Variants in SCAPER observed in about 807,000 individuals in gnomAD.
SCAPER encodes S phase cyclin A-associated protein in the endoplasmic reticulum.
In SCAPER, 98 loss-of-function variants were observed where a neutral mutation model predicts 182.2. The observed-to-expected ratio is 0.54, with a 90% CI of 0.46 to 0.64. The LOEUF (loss-of-function observed/expected upper bound fraction) is 0.64. SCAPER is among the 30% of genes least tolerant of loss of function. The pLI is 0.00. For missense variants in SCAPER, 1,432 were observed against 1,690.0 expected (o/e 0.85, Z 2.68); for synonymous variants, 605 against 564.6 (o/e 1.07, Z -1.01).
intron 20 of SCAPER, among the ~76,000 whole-genome samples, chr15:76,680,152 T>C (rs2057608656): frequency 6.6e-6 from 1 of 151,898 alleles, no homozygotes; most frequent in South Asian, 2.1e-4. Flanking sequence ...TAGTTTCGAG[T>C]AGCTTCCACA....
chr15:76,821,508 G>C (rs1009984772), intron 5 of SCAPER, among the ~76,000 whole-genome samples: 3 of 152,190 alleles, frequency 2.0e-5, no homozygotes, highest in African/African-American at 4.8e-5. Context: ...TGTAGTCCCA[G>C]CTACTAGAGA....
intron 5 of SCAPER, among the ~76,000 whole-genome samples, chr15:76,836,310 C>T (rs899635071): frequency 2.0e-5 from 3 of 152,064 alleles, no homozygotes; most frequent in Non-Finnish European, 2.9e-5. Flanking sequence ...AACACTACTC[C>T]ACTCAAACCA....
Position 76,354,607 on chromosome 15 carries a change from GC to G in SCAPER, c.3856-468del, listed in dbSNP as rs1450086215. 1.3e-5 allele frequency: 2 copies of G among 152,504 alleles called. No individual in the cohort carries two copies. Among genetic ancestry groups the G allele is most frequent in the Non-Finnish European group, 2.9e-5 (2 of 68,254 alleles). 9.4% of individuals were successfully genotyped at this position (152,504 alleles called of 1,614,324 possible). On this transcript the variant is annotated intron_variant, in intron 29 of 31. Transcript: ENST00000563290. This position sits in a 1 kb window ranked among gnomAD's most constrained non-coding sequence, Gnocchi z 4.4. ...CAATGCAGACAGATCTATTCTGTAT[GC>G]AGGCAGGTCCAAGAAAGAAAAGGTA...
chr15:76,870,844 C>T (rs1038854624), intron 2 of SCAPER, among the ~76,000 whole-genome samples: 2 of 151,808 alleles, frequency 1.3e-5, no homozygotes, highest in African/African-American at 4.8e-5. Flanking sequence ...AAGATCATAC[C>T]ACGAATCAAT....
intron 5 of SCAPER, among the ~76,000 whole-genome samples, chr15:76,830,163 C>T (rs917333577): frequency 1.3e-5 from 2 of 151,884 alleles, no homozygotes; most frequent in Non-Finnish European, 2.9e-5. Context: ...AGGAAACATG[C>T]AAGGACATGA....
At chr15:76,805,860 C>A (rs1355653990) in intron 5 of SCAPER, among the ~76,000 whole-genome samples, 1 of 152,164 alleles carries the variant, frequency 6.6e-6, no homozygotes, top group African/African-American at 2.4e-5. Flanking sequence ...ATCCACCGTG[C>A]CCAGCCGACA....
intron 23 of SCAPER, among the ~76,000 whole-genome samples, chr15:76,570,153 G>T (rs888131244): frequency 1.3e-5 from 2 of 152,048 alleles, no homozygotes; most frequent in Non-Finnish European, 2.9e-5. Flanking sequence ...TTTTTTCAGT[G>T]ATTTGGATTT....
At chr15:76,640,472 A>T (rs1311622221) in intron 21 of SCAPER, among the ~76,000 whole-genome samples, 1 of 152,242 alleles carries the variant, frequency 6.6e-6, no homozygotes, top group African/African-American at 2.4e-5. Context: ...CCTCTCAAGC[A>T]CACTTAACTG....
At chr15:76,693,199 C>T (rs926582652) in intron 20 of SCAPER, among the ~76,000 whole-genome samples, 5 of 152,050 alleles carry the variant, frequency 3.3e-5, no homozygotes, top group African/African-American at 1.2e-4. Context: ...AAAACTAGAT[C>T]CTTTCCTAGA....
intron 25 of SCAPER, among the ~76,000 whole-genome samples, chr15:76,461,878 A>T (rs982698688): frequency 2.6e-5 from 4 of 152,168 alleles, no homozygotes; most frequent in Non-Finnish European, 5.9e-5. Context: ...TAAAGTAGCC[A>T]TTTGACTTTG....
At position 76,798,787 on chromosome 15, in the gene SCAPER, T is replaced by C. The variant is rs920338751; in HGVS notation, c.611+1461A>G. Among the ~76,000 whole-genome samples the C allele has an allele frequency of 2.6e-5, 4 of 152,158 alleles. 1 individual carries two copies. Among genetic ancestry groups the C allele is most frequent in the Admixed American group, 2.6e-4 (4 of 15,282 alleles). ...AGAAAGGATTATTAACCAAGAATTC[T>C]ACATACTACAAAACTGCCCTTCAAA... On this transcript the variant is annotated intron_variant, in intron 7 of 31. Transcript: ENST00000563290.
intron 17 of SCAPER, among the ~76,000 whole-genome samples, chr15:76,710,726 T>A (rs1212778173): frequency 6.6e-6 from 1 of 152,152 alleles, no homozygotes; most frequent in Non-Finnish European, 1.5e-5. Context: ...TTCAATGCAC[T>A]TCCTATCAGA....
intron 15 of SCAPER, among the ~76,000 whole-genome samples, chr15:76,748,462 T>C (rs116858563): frequency 1.3e-5 from 2 of 152,138 alleles, no homozygotes; most frequent in East Asian, 1.9e-4. Flanking sequence ...AATTATTTCT[T>C]AGCACCAAAA....
chr15:76,414,552 G>A (rs1231854802), intron 26 of SCAPER, among the ~76,000 whole-genome samples: 1 of 151,980 alleles, frequency 6.6e-6, no homozygotes, highest in South Asian at 2.1e-4. Context: ...GAAGACCATG[G>A]AATGACATCT....
chr15:76,885,825 C>T (rs1308463581), intron 1 of SCAPER, among the ~76,000 whole-genome samples: 2 of 152,160 alleles, frequency 1.3e-5, no homozygotes, highest in Non-Finnish European at 2.9e-5. Context: ...CAAAGAAAAG[C>T]TATGGGAGTT....
chr15:76,354,417 C>T lies in SCAPER; in HGVS notation c.3856-277G>A, dbSNP rs574695645. 15 of 323,312 alleles carry T rather than the reference C, an allele frequency of 4.6e-5. No individual in the cohort carries two copies. The highest frequency in any genetic ancestry group is 2.4e-4 in the African/African-American group (11 of 45,382). The allele number at this position is 323,312 out of a possible 1,614,324, so 20.0% of individuals were successfully genotyped here. On this transcript the variant is annotated intron_variant, in intron 29 of 31. Coordinates refer to ENST00000563290, the MANE Select transcript of SCAPER (RefSeq NM_020843.4). The surrounding 1 kb of genome is among the most constrained non-coding windows in gnomAD (Gnocchi z 4.4). ...AGGTGTAGCTGCCACGGAGTAAGGA[C>T]GCCTATGAAATGGATTCAGAATGCA...
chr15:76,866,341 G>C (rs2072304382), intron 2 of SCAPER, among the ~76,000 whole-genome samples: 1 of 152,000 alleles, frequency 6.6e-6, no homozygotes, highest in Non-Finnish European at 1.5e-5. Context: ...AAAATAATGA[G>C]TTTCCAAGAA....
chr15:76,666,584 C>T (rs1370288573), intron 20 of SCAPER, among the ~76,000 whole-genome samples: 1 of 152,184 alleles, frequency 6.6e-6, no homozygotes, highest in Non-Finnish European at 1.5e-5. Flanking sequence ...GCTATAATTA[C>T]AAACTTTAAA....
Position 76,733,321 on chromosome 15 carries a change from T to C in SCAPER, c.1930A>G (p.Lys644Glu), listed in dbSNP as rs1567960495. 6.2e-7 allele frequency: 1 copy of C among 1,613,510 alleles called. No homozygotes were observed. The highest frequency in any genetic ancestry group is 8.5e-7 in the Non-Finnish European group (1 of 1,179,694). Reference sequence around the variant, plus strand: ...AGCCTCTGTTCATATTCCTTCAATTTTGATAAAACATCATGACGTTTATTC... The same window carrying C: ...AGCCTCTGTTCATATTCCTTCAATTCTGATAAAACATCATGACGTTTATTC... ...AQNKRHDVLS[K>E]LKEYEQRLNE... Residue 644 changes from lysine (K) to glutamate (E), a missense_variant, in exon 16 of 32, where the codon AAA becomes GAA. Lys to Glu is a moderately conservative substitution (Grantham distance 56). Transcript: ENST00000563290.
Sources: allele counts gnomAD v4.1 joint callset (sites outside exome capture counted in the v4.1 genomes callset), GRCh38; gene constraint gnomAD v4.1.1; non-coding constraint Gnocchi (gnomAD v3.1); transcripts MANE v1.5; gene names NCBI Gene and HGNC (gene_info 2026-07-23, HGNC 2026-07-21).